Variants in SLC67A2 observed in about 807,000 individuals in gnomAD.
SLC67A2 encodes solute carrier family 67 member A2.
chr2:102,732,584 A>G, the SLC67A2 span, among the ~76,000 whole-genome samples: 1 of 152,234 alleles, frequency 6.6e-6, no homozygotes, highest in Admixed American at 6.5e-5. Context: ...AAATGCCTGG[A>G]TTAGTCTGAC....
chr2:102,730,540 A>G, the SLC67A2 span, among the ~76,000 whole-genome samples: 2 of 152,058 alleles, frequency 1.3e-5, no homozygotes, highest in Non-Finnish European at 2.9e-5. Context: ...AAAATTGGTA[A>G]TAACATTTTT....
the SLC67A2 span, among the ~76,000 whole-genome samples, chr2:102,733,540 C>T: frequency 6.6e-6 from 1 of 152,134 alleles, no homozygotes. Context: ...CTTAAAATTA[C>T]ATTACCAGAG....
the SLC67A2 span, among the ~76,000 whole-genome samples, chr2:102,728,976 A>G: frequency 6.6e-6 from 1 of 152,324 alleles, no homozygotes; most frequent in Admixed American, 6.5e-5. Flanking sequence ...TAATAAGTGG[A>G]TCATTTTTTA....
the SLC67A2 span, chr2:102,718,451 C>T: frequency 6.2e-7 from 1 of 1,614,198 alleles, no homozygotes; most frequent in Admixed American, 1.7e-5. Context: ...ATTCCCATCA[C>T]CACTAGAGTG....
the SLC67A2 span, chr2:102,717,407 T>G: frequency 6.6e-6 from 1 of 152,234 alleles, no homozygotes; most frequent in Non-Finnish European, 1.5e-5. Context: ...TTATTCTGCA[T>G]AAACTGTTCA....
the SLC67A2 span, among the ~76,000 whole-genome samples, chr2:102,723,305 A>G: frequency 6.6e-6 from 1 of 152,210 alleles, no homozygotes; most frequent in East Asian, 1.9e-4. Flanking sequence ...CCCCGTCTCT[A>G]CTAAAAATAC....
At chr2:102,728,557 T>C in the SLC67A2 span, among the ~76,000 whole-genome samples, 9 of 152,214 alleles carry the variant, frequency 5.9e-5, no homozygotes, top group Non-Finnish European at 8.8e-5. Context: ...GTCATCCTTC[T>C]ATAGGTGTCT....
the SLC67A2 span, among the ~76,000 whole-genome samples, chr2:102,728,147 T>C: frequency 1.3e-5 from 2 of 151,968 alleles, 1 homozygote; most frequent in South Asian, 4.1e-4. Flanking sequence ...AAAAAGTCAC[T>C]GCCTTAAAAG....
the SLC67A2 span, chr2:102,723,685 T>C: frequency 6.2e-7 from 1 of 1,609,872 alleles, no homozygotes; most frequent in Non-Finnish European, 8.5e-7. Flanking sequence ...AATCTTCTCA[T>C]GATTGTCAAC....
the SLC67A2 span, among the ~76,000 whole-genome samples, chr2:102,734,090 A>C: frequency 4.6e-5 from 7 of 152,188 alleles, no homozygotes; most frequent in African/African-American, 1.7e-4. Flanking sequence ...ATGTGCATGT[A>C]ACCACTTGTA....
the SLC67A2 span, chr2:102,719,282 C>A: frequency 7.0e-7 from 1 of 1,423,654 alleles, no homozygotes; most frequent in Non-Finnish European, 9.6e-7. Flanking sequence ...GGGGAAGGGC[C>A]AATTATTTGT....
the SLC67A2 span, among the ~76,000 whole-genome samples, chr2:102,726,196 A>G: frequency 2.0e-5 from 3 of 152,222 alleles, no homozygotes; most frequent in Non-Finnish European, 2.9e-5. Flanking sequence ...AGTCAGACAA[A>G]AGGAGGCCAC....
At chr2:102,723,510 T>C in the SLC67A2 span, among the ~76,000 whole-genome samples, 116 of 151,068 alleles carry the variant, frequency 7.7e-4, no homozygotes, top group African/African-American at 2.3e-3. Flanking sequence ...TCTGGCACAC[T>C]GTGGGTGGGA....
At chr2:102,734,741 T>C in the SLC67A2 span, among the ~76,000 whole-genome samples, 2 of 152,318 alleles carry the variant, frequency 1.3e-5, no homozygotes, top group African/African-American at 4.8e-5. Flanking sequence ...AATGGTTCTC[T>C]TGAATACATT....
At chr2:102,726,969 G>C in the SLC67A2 span, 1 of 1,613,304 alleles carries the variant, frequency 6.2e-7, no homozygotes, top group East Asian at 2.2e-5. Flanking sequence ...CATCGCTCCA[G>C]CAGCCCTGAG....
the SLC67A2 span, among the ~76,000 whole-genome samples, chr2:102,729,725 T>C: frequency 1.3e-5 from 2 of 152,122 alleles, no homozygotes; most frequent in Non-Finnish European, 2.9e-5. Context: ...CCTATGTGGG[T>C]CTTAATTGGT....
At chr2:102,724,028 C>A in the SLC67A2 span, 1 of 821,188 alleles carries the variant, frequency 1.2e-6, no homozygotes, top group Non-Finnish European at 2.0e-6. Flanking sequence ...CTTTGGAAGG[C>A]AGCTATGCTC....
the SLC67A2 span, among the ~76,000 whole-genome samples, chr2:102,719,523 T>G: frequency 9.9e-5 from 15 of 152,234 alleles, no homozygotes; most frequent in African/African-American, 3.4e-4. Context: ...GTTATAAATT[T>G]AAATTCTTCC....
the SLC67A2 span, chr2:102,718,695 G>C: frequency 6.2e-7 from 1 of 1,614,012 alleles, no homozygotes. Flanking sequence ...GAGAAGGACA[G>C]GAGAGTGGAG....
Sources: allele counts gnomAD v4.1 joint callset (sites outside exome capture counted in the v4.1 genomes callset), GRCh38; gene constraint gnomAD v4.1.1; transcripts MANE v1.5; gene names NCBI Gene and HGNC (gene_info 2026-07-23, HGNC 2026-07-21).